Variants in THSD4 observed in about 807,000 individuals in gnomAD.
The protein encoded by THSD4 is thrombospondin type-1 domain-containing protein 4.
A neutral mutation model predicts 119.0 loss-of-function variants in THSD4; 69 were observed. The ratio of observed to expected loss-of-function variants is 0.58; its 90% CI spans 0.48 to 0.71. THSD4 has a LOEUF of 0.71. Ranked by LOEUF, THSD4 falls within the 30% of genes least tolerant of loss-of-function variation. The pLI is 0.00. For missense variants in THSD4, 1,393 were observed against 1,391.1 expected (o/e 1.00, Z -0.02); for synonymous variants, 524 against 540.4 (o/e 0.97, Z 0.42).
chr15:71,570,802 A>G (rs2049336505), intron 7 of THSD4, among the ~76,000 whole-genome samples: 1 of 152,174 alleles, frequency 6.6e-6, no homozygotes. Context: ...CAACTGGAAA[A>G]TAAGAAGGTT....
intron 6 of THSD4, among the ~76,000 whole-genome samples, chr15:71,316,330 T>C (rs1191002494): frequency 1.3e-5 from 2 of 152,120 alleles, no homozygotes; most frequent in African/African-American, 2.4e-5. Flanking sequence ...AGGTAGACAT[T>C]GACAAACCTT....
At chr15:71,568,255 C>T (rs1285147250) in intron 7 of THSD4, among the ~76,000 whole-genome samples, 3 of 152,140 alleles carry the variant, frequency 2.0e-5, no homozygotes, top group Non-Finnish European at 4.4e-5. Context: ...ATACATCAAC[C>T]TTGCATTGAG....
chr15:71,704,893 G>C (rs536588919), intron 8 of THSD4, among the ~76,000 whole-genome samples: 1 of 152,320 alleles, frequency 6.6e-6, no homozygotes, highest in African/African-American at 2.4e-5. Context: ...GAAGTACATA[G>C]TGATACCATC....
intron 7 of THSD4, among the ~76,000 whole-genome samples, chr15:71,431,761 A>G (rs909845446): frequency 2.0e-5 from 3 of 152,208 alleles, no homozygotes; most frequent in Admixed American, 6.5e-5. Context: ...GGGGAAAGGT[A>G]TACATGCTCC....
In THSD4 at chr15:71,316,282, A is replaced by G. The variant is rs1457603781; in HGVS notation, c.1015+59567A>G. Among the ~76,000 whole-genome samples the G allele has an allele frequency of 3.9e-5, 6 of 152,322 alleles. No homozygotes were observed. In the South Asian group the frequency reaches 8.3e-4, roughly 21 times the overall value. The stretch of plus-strand genomic sequence containing the variant: ...TTTATATAACTCAGCTTGACTTCAA[A>G]TTAAGTACATCTAAACCTAAACCCA... On this transcript the variant is annotated intron_variant, in intron 6 of 17. Transcript: ENST00000261862.
rs554722708 is a variant in THSD4 at position 71,260,920 on chromosome 15, G to C, written c.1015+4205G>C. Reference sequence around the variant, plus strand: ...GTTCGAGACCAGCCTGACCAACGTGGTGAAACCCCATCTCTACTGAAAATA... The same window carrying C: ...GTTCGAGACCAGCCTGACCAACGTGCTGAAACCCCATCTCTACTGAAAATA... On this transcript the variant is annotated intron_variant, in intron 6 of 17. Coordinates refer to ENST00000261862, the MANE Select transcript of THSD4 (RefSeq NM_024817.3). 2.6e-5 allele frequency among the ~76,000 whole-genome samples: 4 copies of C among 152,310 alleles called. No homozygotes were observed. The South Asian group carries it at 8.3e-4, about 32-fold the overall frequency.
chr15:71,557,118 T>A (rs965972674), intron 7 of THSD4, among the ~76,000 whole-genome samples: 7 of 152,208 alleles, frequency 4.6e-5, no homozygotes, highest in African/African-American at 1.7e-4. Context: ...TTGCTGTAAG[T>A]TTATGCTTGT....
intron 6 of THSD4, among the ~76,000 whole-genome samples, chr15:71,297,024 A>T (rs1403721133): frequency 6.6e-6 from 1 of 152,068 alleles, no homozygotes. Context: ...TTCCATTATT[A>T]TACATCTTTT....
At chr15:71,619,383 G>GGTTTCT (rs2050379861) in intron 7 of THSD4, among the ~76,000 whole-genome samples, 5 of 152,146 alleles carry the variant, frequency 3.3e-5, no homozygotes, top group Admixed American at 2.0e-4. Context: ...CACCCAGAAA[G>GGTTTCT]GTTTCTCTGC....
At chr15:71,726,130 G>A (rs4777450) in intron 8 of THSD4, among the ~76,000 whole-genome samples, 82,433 of 152,098 alleles carry the variant, frequency 0.54, 26,679 homozygotes, top group East Asian at 0.81. Flanking sequence ...CCCCAAATCT[G>A]TTCTTCCTCA....
At chr15:71,703,908 G>A (rs925407459) in intron 8 of THSD4, among the ~76,000 whole-genome samples, 1 of 152,164 alleles carries the variant, frequency 6.6e-6, no homozygotes, top group Non-Finnish European at 1.5e-5. Context: ...GGAGTGCAGT[G>A]GCGCGATCTC....
chr15:71,374,028 G>T (rs1329618350), intron 6 of THSD4, among the ~76,000 whole-genome samples: 1 of 152,180 alleles, frequency 6.6e-6, no homozygotes, highest in Non-Finnish European at 1.5e-5. Context: ...AAGTCAAGAG[G>T]GTAGACCTGG....
intron 6 of THSD4, among the ~76,000 whole-genome samples, chr15:71,308,895 A>T (rs1173103546): frequency 6.6e-6 from 1 of 152,168 alleles, no homozygotes; most frequent in East Asian, 1.9e-4. Flanking sequence ...CATTCTTGTC[A>T]ACCTTTGTTA....
chr15:71,418,838 C>G (rs2046782926), intron 7 of THSD4, among the ~76,000 whole-genome samples: 1 of 108,870 alleles, frequency 9.2e-6, no homozygotes, highest in African/African-American at 3.1e-5. Flanking sequence ...ATTACTGTTT[C>G]TATCTCATTA....
chr15:71,426,451 G>A (rs2046870229), intron 7 of THSD4, among the ~76,000 whole-genome samples: 1 of 151,308 alleles, frequency 6.6e-6, no homozygotes, highest in Non-Finnish European at 1.5e-5. Flanking sequence ...ATACACTATT[G>A]TGCTCTGCTG....
chr15:71,157,679 C>CTTTTT (rs60477136), intron 3 of THSD4, among the ~76,000 whole-genome samples: 2 of 51,606 alleles, frequency 3.9e-5, no homozygotes, highest in Admixed American at 2.3e-4. Flanking sequence ...TATATCAACT[C>CTTTTT]TTTTTTTTTT....
chr15:71,123,167 G>A (rs2040422034), intron 1 of THSD4, among the ~76,000 whole-genome samples: 1 of 152,214 alleles, frequency 6.6e-6, no homozygotes, highest in African/African-American at 2.4e-5. Context: ...TGTCCACAGA[G>A]GTCTCTTGGA....
At chr15:71,103,199 GTCCAAACCTGCC>G (rs1201922046) in intron 1 of THSD4, among the ~76,000 whole-genome samples, 1 of 150,708 alleles carries the variant, frequency 6.6e-6, no homozygotes, top group Non-Finnish European at 1.5e-5. Context: ...ATTTTTGCGA[GTCCAAACCTGCC>G]TCTTGGGCTG....
intron 6 of THSD4, among the ~76,000 whole-genome samples, chr15:71,337,798 G>A (rs566228770): frequency 7.2e-5 from 11 of 152,222 alleles, no homozygotes; most frequent in African/African-American, 2.4e-4. Context: ...GCAGGCTTGA[G>A]TAAAGGTTAG....
Sources: gnomAD v4.1 joint callset for allele counts (sites outside exome capture counted in the v4.1 genomes callset) on GRCh38, gnomAD v4.1.1 for gene constraint, MANE v1.5 for transcripts, NCBI Gene and HGNC (gene_info 2026-07-23, HGNC 2026-07-21) for gene names.